PYGM: variants seen among roughly 807,000 people sequenced by gnomAD.
The protein encoded by PYGM is glycogen phosphorylase, muscle form.
In PYGM, 81 loss-of-function variants were observed where a neutral mutation model predicts 99.3. The observed-to-expected ratio is 0.82, with a 90% CI of 0.68 to 0.98. The LOEUF (loss-of-function observed/expected upper bound fraction) is 0.98. Among genes scored for constraint, PYGM ranks in the 50% least tolerant of loss-of-function variants. PYGM has a pLI of 0.00. For synonymous variants in PYGM, 436 were observed against 451.5 expected (o/e 0.97, Z 0.44); for missense variants, 1,030 against 1,158.1 (o/e 0.89, Z 1.61).
chr11:64,751,347 G>C lies in PYGM; in HGVS notation c.1947C>G (p.Tyr649Ter). ...DRLRVIFLEN[Y>*]RVSLAEKVIP... Reference sequence around the variant, plus strand: ...CACCTTTCTCGGCCAGTGAGACTCGGTAGTTCTCCAGGAAGATGACACGGA... The same window carrying C: ...CACCTTTCTCGGCCAGTGAGACTCGCTAGTTCTCCAGGAAGATGACACGGA... Residue 649 changes from tyrosine to a stop codon, truncating the protein, a stop_gained, in exon 16 of 20, where the codon TAC becomes TAG. Transcript: ENST00000164139. LOFTEE classifies it high-confidence loss of function. 1 of 1,614,160 alleles carries C rather than the reference G, an allele frequency of 6.2e-7. No homozygotes were observed.
At position 64,759,835 on chromosome 11, in the gene PYGM, C is replaced by T. The variant is rs140731551; in HGVS notation, c.64G>A (p.Val22Met). ...TTTTTCAGCTCAGTCACGTTCTCCA[C>T]GCCGGCCAGGCCACGCACACTGATT... ...KQISVRGLAG[V>M]ENVTELKKNF... The change falls in exon 1 of 20, where the codon GTG (valine) becomes ATG (methionine). Residue 22 changes from valine to methionine, a missense_variant. By Grantham distance (21) the Val-to-Met change is conservative. Transcript: ENST00000164139. 9.5e-5 allele frequency: 154 copies of T among 1,614,026 alleles called. No individual in the cohort carries two copies. The highest frequency in any genetic ancestry group is 1.2e-4 in the Non-Finnish European group (141 of 1,180,028).
At position 64,746,966 on chromosome 11, in the gene PYGM, A is replaced by G. The variant is rs2135823364; in HGVS notation, c.2334T>C (p.Tyr778=). The G allele has an allele frequency of 6.2e-7, 1 of 1,614,190 alleles. No individual in the cohort carries two copies. The part of the protein sequence containing the change: ...HHDRFKVFAD[Y]EDYIKCQEKV... ...TCTCCTGGCATTTAATGTAGTCTTC[A>G]TAATCTGCGAAGACTTTAAACCTGG... The change falls in exon 19 of 20, where the codon TAT becomes TAC. Residue 778 remains tyrosine, a synonymous_variant. Transcript: ENST00000164139.
chr11:64,760,242 G>A (rs1481750223), upstream of PYGM: 2 of 313,170 alleles, frequency 6.4e-6, no homozygotes, highest in Non-Finnish European at 1.2e-5. Context: ...GATACAAGAA[G>A]GAGCAGGCAG....
rs749501772 is a variant in PYGM at position 64,751,636 on chromosome 11, A to T, written c.1788T>A (p.Asn596Lys). 3.7e-6 allele frequency: 6 copies of T among 1,613,918 alleles called. No individual in the cohort carries two copies. The highest frequency in any genetic ancestry group is 5.1e-6 in the Non-Finnish European group (6 of 1,179,892). The change falls in exon 15 of 20, where the codon AAT becomes AAA. Residue 596 changes from asparagine to lysine, a missense_variant. Transcript: ENST00000164139. ...TLYNRIKREP[N>K]KFFVPRTVMI... is the part of the protein sequence containing the mutation. ...TCACAGTCCGAGGCACAAAAAACTT[A>T]TTGGGCTCCCTCTTGATGCCTGTGG...
rs2058370136 is a variant in PYGM at position 64,753,429 on chromosome 11, A to G, written c.1403+90T>C. 4 of 1,472,042 alleles carry G rather than the reference A, an allele frequency of 2.7e-6. No homozygotes were observed. In the South Asian group the frequency reaches 5.1e-5, roughly 19 times the overall value. The allele number at this position is 1,472,042 out of a possible 1,614,324, so 91.2% of individuals were successfully genotyped here. A position where few individuals can be genotyped will look rare whatever the true frequency, so the allele number is the denominator to read the frequency against. On this transcript the variant is annotated intron_variant, in intron 11 of 19. Transcript: ENST00000164139. ...AGGCGCCAGGGCCCAGAGACCAGAG[A>G]GTGGTCGGTGAAGGGCGGGGCTTCT...
At chr11:64,751,266 C>T in intron 16 of PYGM, 59 bp downstream of exon 16, 1 of 1,604,488 alleles carries the variant, frequency 6.2e-7, no homozygotes, top group Non-Finnish European at 8.5e-7. Flanking sequence ...ACGACTGATA[C>T]CTCTTCCTGA....
Position 64,754,570 on chromosome 11 carries a change from G to T in PYGM, c.999+123C>A. ...TGTGGATTGTGAATCCTGAACAACT[G>T]ACCCTCCCACACTCCCAGTCTCCAC... On this transcript the variant is annotated intron_variant, in intron 8 of 19. Coordinates refer to ENST00000164139, the MANE Select transcript of PYGM (RefSeq NM_005609.4). The surrounding 1 kb of genome is among the most constrained non-coding windows in gnomAD (Gnocchi z 5.5). The T allele has an allele frequency of 7.2e-7, 1 of 1,393,300 alleles. No individual in the cohort carries two copies. Among genetic ancestry groups the T allele is most frequent in the South Asian group, 1.3e-5 (1 of 79,378 alleles). The allele number at this position is 1,393,300 out of a possible 1,614,324, so 86.3% of individuals were successfully genotyped here.
At position 64,754,466 on chromosome 11, in the gene PYGM, G is replaced by T; in HGVS notation, c.1000-121C>A. 9.8e-7 allele frequency: 1 copy of T among 1,023,416 alleles called. No individual in the cohort carries two copies. Among genetic ancestry groups the T allele is most frequent in the Non-Finnish European group, 1.5e-6 (1 of 683,572 alleles). The allele number at this position is 1,023,416 out of a possible 1,614,324, so 63.4% of individuals were successfully genotyped here. ...CGGTTCTGTGACTGGGCTGTGGGCA[G>T]AGGCAGGCCGGTGCTCATGGGGGTG... On this transcript the variant is annotated intron_variant, in intron 8 of 19. Coordinates refer to ENST00000164139, the MANE Select transcript of PYGM (RefSeq NM_005609.4). This position sits in a 1 kb window ranked among gnomAD's most constrained non-coding sequence, Gnocchi z 5.5.
At chr11:64,751,189 G>A in intron 16 of PYGM, 136 bp downstream of exon 16, 1 of 1,339,116 alleles carries the variant, frequency 7.5e-7, no homozygotes, top group Non-Finnish European at 1.0e-6. Context: ...ACTGCGCCTG[G>A]CCTCCTCATG....
intron 4 of PYGM, 133 bp downstream of exon 4, chr11:64,758,113 G>C: frequency 7.4e-7 from 1 of 1,342,852 alleles, no homozygotes; most frequent in East Asian, 2.3e-5. Flanking sequence ...GCTTTGGGTC[G>C]GGGGGTGGGG....
chr11:64,757,495 C>G (rs2058401210), intron 5 of PYGM, among the ~76,000 whole-genome samples: 1 of 152,172 alleles, frequency 6.6e-6, no homozygotes, highest in Non-Finnish European at 1.5e-5. Flanking sequence ...CCAAGATGGT[C>G]CTTTGATAAA....
chr11:64,750,555 C>G lies in PYGM; in HGVS notation c.1998G>C (p.Gln666His). ...AGGCTTCAGTGCCCGCAGTGGAGAT[C>G]TGCTCAGAGAGGTCTGCAGCTGGGA... ...KVIPAADLSEQISTAGTEASG... is the reference protein window; with the variant it reads ...KVIPAADLSEHISTAGTEASG... The change falls in exon 17 of 20, where the codon CAG becomes CAC. Residue 666 changes from glutamine (Q) to histidine (H), a missense_variant. Gln to His is a conservative substitution (Grantham distance 24, BLOSUM62 0). Transcript: ENST00000164139. 6.2e-7 allele frequency: 1 copy of G among 1,614,184 alleles called. No homozygotes were observed. The highest frequency in any genetic ancestry group is 8.5e-7 in the Non-Finnish European group (1 of 1,180,034).
chr11:64,758,042 GCCCCTGGTCTGCTGGGCTATCGAGTGGGA>G (rs1183699591), intron 4 of PYGM, 132 bp from the exon 5 acceptor site: 4 of 1,448,222 alleles, frequency 2.8e-6, no homozygotes, highest in African/African-American at 1.4e-5. Flanking sequence ...TCTGAGGTGG[GCCCCTGGTCTGCTGGGCTATCGAGTGGGA>G]CACGGACCAC....
At chr11:64,760,069 G>T (rs1173409322), upstream of PYGM, 2 of 1,059,844 alleles carry the variant, frequency 1.9e-6, no homozygotes, top group Non-Finnish European at 2.6e-6. Context: ...GCAGCTCAGG[G>T]AGCTATTTTG....
rs1032877990 is a variant in PYGM at position 64,759,856 on chromosome 11, T to C, written c.43A>G (p.Ser15Gly). 1.2e-6 allele frequency: 2 copies of C among 1,614,078 alleles called. No individual in the cohort carries two copies. Among genetic ancestry groups the C allele is most frequent in the Middle Eastern group, 3.3e-4 (2 of 6,084 alleles). Residue 15 changes from serine (S) to glycine (G), a missense_variant, in exon 1 of 20, where the codon AGT becomes GGT. By Grantham distance (56) the Ser-to-Gly change is moderately conservative (BLOSUM62 0). Coordinates refer to ENST00000164139, the MANE Select transcript of PYGM (RefSeq NM_005609.4). ...LSDQEKRKQI[S>G]VRGLAGVENV... ...TCCACGCCGGCCAGGCCACGCACAC[T>C]GATTTGCTTTCTTTTCTCTTGGTCT...
intron 5 of PYGM, among the ~76,000 whole-genome samples, chr11:64,756,060 C>T (rs1425410082): frequency 2.0e-5 from 3 of 152,246 alleles, no homozygotes; most frequent in African/African-American, 4.8e-5. Flanking sequence ...AACTAGCAAA[C>T]ATCAATAATT....
Position 64,758,418 on chromosome 11 carries a change from C to T in PYGM, c.424+19G>A, listed in dbSNP as rs1312468715. ...GGACCCCATCGGCCCACTCCACCCT[C>T]ACGGCCCTGTCTTCTTACCTGCCAG... On this transcript the variant is annotated intron_variant, in intron 3 of 19. Transcript: ENST00000164139. 1 of 1,613,510 alleles carries T rather than the reference C, an allele frequency of 6.2e-7. No individual in the cohort carries two copies. Among genetic ancestry groups the T allele is most frequent in the Non-Finnish European group, 8.5e-7 (1 of 1,179,984 alleles).
At position 64,751,053 on chromosome 11, in the gene PYGM, A is replaced by G. The variant is rs592521; in HGVS notation, c.1969+272T>C. The G allele has an allele frequency of 0.13, 57,034 of 442,258 alleles. 5,184 individuals carry two copies. Among genetic ancestry groups the G allele is most frequent in the East Asian group, 0.39 (7,997 of 20,536 alleles). 27.4% of individuals were successfully genotyped at this position (442,258 alleles called of 1,614,324 possible). On this transcript the variant is annotated intron_variant, in intron 16 of 19. Transcript: ENST00000164139. ...ATTATAGGCACCTGCCATCACGCCCAGCTAATTTTTGTATTTTTAGTAGAG... is the reference window on the plus strand; with the variant it reads ...ATTATAGGCACCTGCCATCACGCCCGGCTAATTTTTGTATTTTTAGTAGAG...
In PYGM at chr11:64,754,445, T is replaced by C. The variant is rs1449022232; in HGVS notation, c.1000-100A>G. Reference sequence around the variant, plus strand: ...AGGCCCCCAGAGAGCCCAGCACGGTTCTGTGACTGGGCTGTGGGCAGAGGC... The same window carrying C: ...AGGCCCCCAGAGAGCCCAGCACGGTCCTGTGACTGGGCTGTGGGCAGAGGC... On this transcript the variant is annotated intron_variant, in intron 8 of 19. Transcript: ENST00000164139. The surrounding 1 kb of genome is among the most constrained non-coding windows in gnomAD (Gnocchi z 5.5). The C allele has an allele frequency of 1.8e-6, 2 of 1,131,278 alleles. No individual in the cohort carries two copies. The highest frequency in any genetic ancestry group is 3.1e-5 in the African/African-American group (2 of 64,364). 70.1% of individuals were successfully genotyped at this position (1,131,278 alleles called of 1,614,324 possible).
Sources: allele counts gnomAD v4.1 joint callset (sites outside exome capture counted in the v4.1 genomes callset), GRCh38; gene constraint gnomAD v4.1.1; non-coding constraint Gnocchi (gnomAD v3.1); transcripts MANE v1.5; gene names NCBI Gene and HGNC (gene_info 2026-07-23, HGNC 2026-07-21).